Variants in ATP2B2 observed in about 807,000 individuals in gnomAD.
The protein encoded by ATP2B2 is ATPase plasma membrane Ca2+ transporting 2, also known as plasma membrane calcium-transporting ATPase 2.
A neutral mutation model predicts 120.0 loss-of-function variants in ATP2B2; 15 were observed. The ratio of observed to expected loss-of-function variants is 0.12; its 90% CI spans 0.08 to 0.19. ATP2B2 has a LOEUF of 0.19. Among genes scored for constraint, ATP2B2 ranks in the 10% least tolerant of loss-of-function variants. The probability of loss-of-function intolerance (pLI) is 1.00; values close to 1 mark genes in which losing one functional copy is unlikely to be tolerated. For missense variants in ATP2B2, 1,045 were observed against 1,719.8 expected (o/e 0.61, Z 6.94); for synonymous variants, 694 against 700.3 (o/e 0.99, Z 0.14).
chr3:10,660,002 A>T (rs139183546), intron 1 of ATP2B2, among the ~76,000 whole-genome samples: 1 of 152,120 alleles, frequency 6.6e-6, no homozygotes, highest in African/African-American at 2.4e-5. Flanking sequence ...TGACTACTGG[A>T]TACATAACGA....
At chr3:10,463,439 C>G (rs2064585945) in intron 1 of ATP2B2, among the ~76,000 whole-genome samples, 1 of 152,278 alleles carries the variant, frequency 6.6e-6, no homozygotes, top group Non-Finnish European at 1.5e-5. Context: ...CAAATGCATT[C>G]TTGCTGAGGG....
At chr3:10,417,352 C>G (rs2062826918) in intron 2 of ATP2B2, among the ~76,000 whole-genome samples, 2 of 151,914 alleles carry the variant, frequency 1.3e-5, no homozygotes, top group Non-Finnish European at 2.9e-5. Flanking sequence ...CCAGATGGTG[C>G]AGCAGCCGGG....
chr3:10,588,242 T>C (rs1041613443), intron 2 of ATP2B2, among the ~76,000 whole-genome samples: 1 of 152,188 alleles, frequency 6.6e-6, no homozygotes, highest in African/African-American at 2.4e-5. Flanking sequence ...CAGCAGCACC[T>C]CTCTAGTCAT....
At position 10,487,236 on chromosome 3, in the gene ATP2B2, G is replaced by A. The variant is rs998502175; in HGVS notation, c.-320+18229C>T. Among the ~76,000 whole-genome samples, 7 of 152,124 alleles carry A rather than the reference G, an allele frequency of 4.6e-5. No individual in the cohort carries two copies. The South Asian group carries it at 1.5e-3, about 32-fold the overall frequency. On this transcript the variant is annotated intron_variant, in intron 1 of 22. Transcript: ENST00000360273. Reference sequence around the variant, plus strand: ...GCACAGCCTCTCCCCACAAGCATGTGTGTGCGCACACACACACAGACATGC... The same window carrying A: ...GCACAGCCTCTCCCCACAAGCATGTATGTGCGCACACACACACAGACATGC...
chr3:10,426,380 G>A (rs2063145747), intron 2 of ATP2B2, among the ~76,000 whole-genome samples: 1 of 152,230 alleles, frequency 6.6e-6, no homozygotes, highest in African/African-American at 2.4e-5. Context: ...AAGGTGAGGA[G>A]TGGTCAGTGC....
chr3:10,355,286 G>C (rs959534439), intron 14 of ATP2B2, among the ~76,000 whole-genome samples: 1 of 152,158 alleles, frequency 6.6e-6, no homozygotes, highest in Non-Finnish European at 1.5e-5. Flanking sequence ...CATCTGTGAG[G>C]GAGTGGCAGG....
At chr3:10,617,087 C>T (rs1039378622) in intron 2 of ATP2B2, among the ~76,000 whole-genome samples, 2 of 152,244 alleles carry the variant, frequency 1.3e-5, no homozygotes, top group African/African-American at 2.4e-5. Context: ...CAGTTCCCTG[C>T]TGCTGGCCAT....
intron 1 of ATP2B2, among the ~76,000 whole-genome samples, chr3:10,459,952 G>A (rs1233660065): frequency 6.6e-6 from 1 of 152,240 alleles, no homozygotes; most frequent in Non-Finnish European, 1.5e-5. Context: ...CTGTCCAGCA[G>A]ACCAACTTCT....
rs570884721 is a variant in ATP2B2, at chr3:10,567,810, C to T, written c.-414-33677G>A. On this transcript the variant is annotated intron_variant, in intron 2 of 21. Transcript: ENST00000646379. ...GGGAGCTTCTTGAGGGCTGAGACTG[C>T]GTTTCATCCACTTTGGCCCTCTCAG... Among the ~76,000 whole-genome samples the T allele has an allele frequency of 5.9e-5, 9 of 152,132 alleles. No individual in the cohort carries two copies. The East Asian group carries it at 1.4e-3, about 23-fold the overall frequency.
chr3:10,523,338 A>T (rs1419694154), intron 3 of ATP2B2, among the ~76,000 whole-genome samples: 2 of 152,234 alleles, frequency 1.3e-5, no homozygotes, highest in Non-Finnish European at 2.9e-5. Flanking sequence ...TTAACTTTCT[A>T]TTAAAAAAAT....
intron 1 of ATP2B2, among the ~76,000 whole-genome samples, chr3:10,456,042 GGT>G (rs2064246452): frequency 6.6e-6 from 1 of 152,050 alleles, no homozygotes; most frequent in Admixed American, 6.6e-5. Context: ...ATAGGTTAGG[GGT>G]GCCTTAATAA....
At chr3:10,664,501 C>T (rs2070872256) in intron 1 of ATP2B2, among the ~76,000 whole-genome samples, 1 of 152,160 alleles carries the variant, frequency 6.6e-6, no homozygotes, top group Non-Finnish European at 1.5e-5. Context: ...GTGTGTCACT[C>T]GAAGGCACCT....
At chr3:10,388,962 G>T (rs993219522) in intron 5 of ATP2B2, among the ~76,000 whole-genome samples, 1 of 151,988 alleles carries the variant, frequency 6.6e-6, no homozygotes, top group East Asian at 1.9e-4. Context: ...AATATAATTG[G>T]TTTCCTTTGT....
At chr3:10,492,247 G>A (rs1330173713) in intron 1 of ATP2B2, among the ~76,000 whole-genome samples, 1 of 152,054 alleles carries the variant, frequency 6.6e-6, no homozygotes, top group Non-Finnish European at 1.5e-5. Context: ...GGGCTTTTCG[G>A]GGGGTGGGGC....
chr3:10,621,278 G>A (rs529036692), intron 1 of ATP2B2, among the ~76,000 whole-genome samples: 1 of 152,230 alleles, frequency 6.6e-6, no homozygotes, highest in South Asian at 2.1e-4. Context: ...GCCCATCCCA[G>A]AGTTCACAGA....
intron 1 of ATP2B2, among the ~76,000 whole-genome samples, chr3:10,501,267 G>T (rs568182524): frequency 6.6e-6 from 1 of 151,916 alleles, no homozygotes; most frequent in Non-Finnish European, 1.5e-5. Flanking sequence ...CCTGCCTCCC[G>T]CCGCCTCCAT....
At chr3:10,612,869 AAGGCAAACT>A (rs2069280376) in intron 2 of ATP2B2, among the ~76,000 whole-genome samples, 1 of 152,302 alleles carries the variant, frequency 6.6e-6, no homozygotes, top group Admixed American at 6.5e-5. Flanking sequence ...TGGTTCCTGG[AAGGCAAACT>A]CTAACTCCTT....
rs1444009523 is a variant in ATP2B2, at chr3:10,402,052, T to C, written c.655+39A>G. The C allele has an allele frequency of 4.3e-6, 7 of 1,610,384 alleles. No homozygotes were observed. Among genetic ancestry groups the C allele is most frequent in the Non-Finnish European group, 5.9e-6 (7 of 1,180,008 alleles). Reference sequence around the variant, plus strand: ...CTGGCCTGTCCCACCTCTGCCGGAATCCAGCTTTAGAACCTGGCTCTGTGG... The same window carrying C: ...CTGGCCTGTCCCACCTCTGCCGGAACCCAGCTTTAGAACCTGGCTCTGTGG... On this transcript the variant is annotated intron_variant, in intron 4 of 22. Transcript: ENST00000360273. This position sits in a 1 kb window ranked among gnomAD's most constrained non-coding sequence, Gnocchi z 4.9.
intron 8 of ATP2B2, among the ~76,000 whole-genome samples, chr3:10,382,803 T>C (rs2061569189): frequency 6.6e-6 from 1 of 152,046 alleles, no homozygotes; most frequent in Non-Finnish European, 1.5e-5. Context: ...CATTTTTCAG[T>C]TGGGGGCTTG....
Sources: gnomAD v4.1 joint callset for allele counts (sites outside exome capture counted in the v4.1 genomes callset) on GRCh38, gnomAD v4.1.1 for gene constraint, Gnocchi (gnomAD v3.1) non-coding constraint, MANE v1.5 for transcripts, NCBI Gene and HGNC (gene_info 2026-07-23, HGNC 2026-07-21) for gene names.